The following ACCSL variants were observed in gnomAD, a reference collection of about 807,000 sequenced individuals.
ACCSL encodes 1-aminocyclopropane-1-carboxylate synthase homolog (inactive) like, also known as probable inactive 1-aminocyclopropane-1-carboxylate synthase-like protein 2.
ACCSL carries 55 observed loss-of-function variants against 61.7 expected under a neutral mutation model. That is an observed-to-expected ratio of 0.89 (90% CI 0.72 to 1.12). The LOEUF (loss-of-function observed/expected upper bound fraction) is 1.12. Among genes scored for constraint, ACCSL ranks in the 50% most tolerant of loss-of-function variants. The pLI is 0.00. For synonymous variants in ACCSL, 258 were observed against 264.3 expected, an observed-to-expected ratio of 0.98 and a Z score of 0.23; for missense variants, 632 against 698.0, an observed-to-expected ratio of 0.91 and a Z score of 1.07.
the ACCSL span, among the ~76,000 whole-genome samples, chr11:44,036,179 G>A: frequency 8.4e-4 from 128 of 152,270 alleles, 1 homozygote; most frequent in Middle Eastern, 6.8e-3. Context: ...TTAGGACCCC[G>A]ACATGGTGAC....
At position 44,055,222 on chromosome 11, in the gene ACCSL, T is replaced by C. The variant is rs372102803; in HGVS notation, c.1070T>C (p.Ile357Thr). 8 of 1,611,814 alleles carry C rather than the reference T, an allele frequency of 5.0e-6. No individual in the cohort carries two copies. Among genetic ancestry groups the C allele is most frequent in the Admixed American group, 3.3e-5 (2 of 60,000 alleles). The part of the protein sequence containing the change: ...FAKRYNLHVI[I>T]DEIYMLSVFD... Reference sequence around the variant, plus strand: ...TACAGGTATAACCTACATGTGATCATAGATGAGATTTACATGCTGTCTGTG... The same window carrying C: ...TACAGGTATAACCTACATGTGATCACAGATGAGATTTACATGCTGTCTGTG... The change falls in exon 9 of 14, where the codon ATA becomes ACA. Residue 357 changes from isoleucine (I) to threonine (T), a missense_variant. Physicochemically the swap from Ile to Thr is moderately conservative, Grantham distance 89. Transcript: ENST00000378832.
the ACCSL span, chr11:43,943,864 C>G: frequency 7.9e-7 from 1 of 1,268,270 alleles, no homozygotes; most frequent in South Asian, 1.4e-5. This position sits in a 1 kb window ranked among gnomAD's most constrained non-coding sequence, Gnocchi z 4.8. Flanking sequence ...CAAATAAAGT[C>G]AATATATTTG....
At chr11:43,934,387 C>CA in the ACCSL span, among the ~76,000 whole-genome samples, 1 of 152,280 alleles carries the variant, frequency 6.6e-6, no homozygotes, top group South Asian at 2.1e-4. Context: ...GAAAAAGACT[C>CA]AGTCTCTCGC....
the ACCSL span, among the ~76,000 whole-genome samples, chr11:43,929,604 G>T: frequency 2.6e-5 from 4 of 151,882 alleles, no homozygotes; most frequent in Admixed American, 2.0e-4. Context: ...ATGGGGTTTC[G>T]CCATGTTGGC....
At chr11:44,050,744 T>G (rs1952631899) in intron 3 of ACCSL, 122 bp downstream of exon 3, 2 of 843,832 alleles carry the variant, frequency 2.4e-6, no homozygotes, top group Admixed American at 5.0e-5. Flanking sequence ...TAATAACTTC[T>G]AGAAAATGCC....
chr11:43,933,789 T>A, the ACCSL span, among the ~76,000 whole-genome samples: 1 of 152,066 alleles, frequency 6.6e-6, no homozygotes, highest in Admixed American at 6.5e-5. Flanking sequence ...CCCTGGGCTG[T>A]GGCTCCCTCA....
chr11:44,011,813 G>T, the ACCSL span, among the ~76,000 whole-genome samples: 11 of 152,138 alleles, frequency 7.2e-5, no homozygotes, highest in South Asian at 2.1e-3. Context: ...TGTGTGTATG[G>T]TTGAGAAGTT....
the ACCSL span, among the ~76,000 whole-genome samples, chr11:43,972,401 C>T: frequency 2.3e-4 from 35 of 152,154 alleles, no homozygotes; most frequent in Non-Finnish European, 2.6e-4. Context: ...GGACTCAGAG[C>T]GTAAATAGTT....
chr11:43,957,071 C>T, the ACCSL span, among the ~76,000 whole-genome samples: 4 of 152,024 alleles, frequency 2.6e-5, no homozygotes, highest in Non-Finnish European at 5.9e-5. Flanking sequence ...ATCTTGTAAA[C>T]CAAAAAGTAT....
chr11:43,943,583 G>T, the ACCSL span: 5 of 1,311,632 alleles, frequency 3.8e-6, no homozygotes, highest in Non-Finnish European at 5.0e-6. The surrounding 1 kb of genome is among the most constrained non-coding windows in gnomAD (Gnocchi z 4.8). Context: ...AGTCGGCGGC[G>T]GGTAGCCACT....
At chr11:44,021,136 G>A in the ACCSL span, among the ~76,000 whole-genome samples, 1 of 152,216 alleles carries the variant, frequency 6.6e-6, no homozygotes, top group East Asian at 1.9e-4. Context: ...TTTTCCTCCA[G>A]TAGTGGGATT....
At chr11:43,958,156 G>C in the ACCSL span, among the ~76,000 whole-genome samples, 1 of 152,122 alleles carries the variant, frequency 6.6e-6, no homozygotes, top group South Asian at 2.1e-4. Context: ...AAGATGAGAG[G>C]GGCTGGAATT....
chr11:44,029,939 A>G, the ACCSL span, among the ~76,000 whole-genome samples: 2 of 151,196 alleles, frequency 1.3e-5, no homozygotes, highest in African/African-American at 2.4e-5. Flanking sequence ...GTTCATGTCA[A>G]ACAGTCAAAC....
chr11:43,989,358 A>G, the ACCSL span, among the ~76,000 whole-genome samples: 439 of 152,330 alleles, frequency 2.9e-3, 6 homozygotes, highest in African/African-American at 0.01. Flanking sequence ...GGAGCCCTCC[A>G]CGGATCTCCC....
chr11:44,011,572 A>G, the ACCSL span, among the ~76,000 whole-genome samples: 3 of 152,252 alleles, frequency 2.0e-5, no homozygotes, highest in Non-Finnish European at 4.4e-5. Flanking sequence ...CTCAATAAAT[A>G]TTTGTTCAGT....
chr11:44,050,840 CTTTTTTTTTTT>C, intron 3 of ACCSL, among the ~76,000 whole-genome samples: 1 of 126,770 alleles, frequency 7.9e-6, no homozygotes, highest in East Asian at 2.3e-4. Flanking sequence ...GGCCTGAGTT[CTTTTTTTTTTT>C]TTTTTTTTGA....
chr11:44,053,612 C>G (rs999122158), intron 8 of ACCSL, 106 bp downstream of exon 8: 4 of 1,065,332 alleles, frequency 3.8e-6, no homozygotes, highest in Non-Finnish European at 5.6e-6. Flanking sequence ...CCTGTAATCC[C>G]AGCACTTTGG....
At chr11:43,994,778 C>T in the ACCSL span, among the ~76,000 whole-genome samples, 2 of 151,922 alleles carry the variant, frequency 1.3e-5, no homozygotes, top group African/African-American at 2.4e-5. Flanking sequence ...GACTACAATG[C>T]GCGTGCCACC....
chr11:44,020,795 T>C, the ACCSL span, among the ~76,000 whole-genome samples: 82,301 of 151,072 alleles, frequency 0.54, 22,728 homozygotes, highest in Admixed American at 0.6. Context: ...CCATTTCCCC[T>C]GACTCCCCAA....
Sources: allele counts gnomAD v4.1 joint callset (sites outside exome capture counted in the v4.1 genomes callset), GRCh38; gene constraint gnomAD v4.1.1; non-coding constraint Gnocchi (gnomAD v3.1); transcripts MANE v1.5; gene names NCBI Gene and HGNC (gene_info 2026-07-23, HGNC 2026-07-21).